DENND5B: variants seen among roughly 807,000 people sequenced by gnomAD.
DENND5B encodes the protein DENN domain containing 5B, also known as DENN domain-containing protein 5B.
In DENND5B, 34 loss-of-function variants were observed where a neutral mutation model predicts 140.6. That is an observed-to-expected ratio of 0.24 (90% CI 0.18 to 0.32). The LOEUF is 0.32. Ranked by LOEUF, DENND5B falls within the 10% of genes least tolerant of loss-of-function variation. The pLI is 1.00. For missense variants in DENND5B, 1,142 were observed against 1,560.2 expected, an observed-to-expected ratio of 0.73 and a Z score of 4.52; for synonymous variants, 551 against 562.1, an observed-to-expected ratio of 0.98 and a Z score of 0.28.
At chr12:31,480,573 C>T (rs1270651024) in intron 2 of DENND5B, among the ~76,000 whole-genome samples, 1 of 152,166 alleles carries the variant, frequency 6.6e-6, no homozygotes, top group Non-Finnish European at 1.5e-5. Flanking sequence ...TTTAGCAAGC[C>T]ATATAACTTC....
chr12:31,490,265 AG>A (rs761416914), intron 2 of DENND5B, among the ~76,000 whole-genome samples: 5 of 151,972 alleles, frequency 3.3e-5, no homozygotes, highest in Admixed American at 6.6e-5. Context: ...CGGGGGCAAA[AG>A]GGTCTTCCAG....
At chr12:31,568,231 A>G (rs1044381517) in intron 1 of DENND5B, among the ~76,000 whole-genome samples, 2 of 152,260 alleles carry the variant, frequency 1.3e-5, no homozygotes, top group Admixed American at 6.5e-5. Context: ...AATAAGGTAC[A>G]TATGAAATAT....
chr12:31,383,950 T>C lies in DENND5B; in HGVS notation c.*3653A>G, dbSNP rs1940742778. The C allele has an allele frequency of 6.6e-6, 1 of 152,164 alleles. No individual in the cohort carries two copies. The highest frequency in any genetic ancestry group is 1.5e-5 in the Non-Finnish European group (1 of 68,032). The allele number at this position is 152,164 out of a possible 1,614,324, so 9.4% of individuals were successfully genotyped here. On this transcript the variant is annotated 3_prime_UTR_variant, in exon 21 of 21. Transcript: ENST00000389082. ...AATCATTATGGTCCCAGCATTTAAT[T>C]TATTTGCAGGAAAAAAACAAATTAA...
intron 17 of DENND5B, among the ~76,000 whole-genome samples, chr12:31,397,277 G>A (rs1309164908): frequency 2.0e-5 from 3 of 151,990 alleles, no homozygotes; most frequent in East Asian, 3.9e-4. Flanking sequence ...GGGCGGGCGT[G>A]GTGGCTCATG....
intron 1 of DENND5B, among the ~76,000 whole-genome samples, chr12:31,499,295 T>C (rs780505254): frequency 6.6e-5 from 10 of 152,218 alleles, no homozygotes; most frequent in South Asian, 2.1e-4. Flanking sequence ...TACAACTACA[T>C]ATCAACTTAA....
chr12:31,560,226 C>CTG (rs1402985182), intron 1 of DENND5B, among the ~76,000 whole-genome samples: 1 of 152,180 alleles, frequency 6.6e-6, no homozygotes. Flanking sequence ...GATTCCTGAG[C>CTG]TGTGCCAACC....
intron 1 of DENND5B, among the ~76,000 whole-genome samples, chr12:31,576,714 C>T (rs759251687): frequency 6.6e-6 from 1 of 151,114 alleles, no homozygotes; most frequent in African/African-American, 2.4e-5. Context: ...AAGAACCCAT[C>T]TCTACAAAAA....
At position 31,522,031 on chromosome 12, in the gene DENND5B, T is replaced by C. The variant is rs145949941; in HGVS notation, c.128-26112A>G. On this transcript the variant is annotated intron_variant, in intron 1 of 20. Transcript: ENST00000389082. ...CTACCCTTCCTCTTCTCTCTCATGT[T>C]AGCTATAGTAAATTTGCTGTCATAT... Among the ~76,000 whole-genome samples, 685 of 152,346 alleles carry C rather than the reference T, an allele frequency of 4.5e-3. 5 individuals are homozygous for C. Among genetic ancestry groups the C allele is most frequent in the African/African-American group, 0.015 (620 of 41,588 alleles).
intron 2 of DENND5B, among the ~76,000 whole-genome samples, chr12:31,486,395 A>G (rs528329751): frequency 3.7e-4 from 56 of 152,236 alleles, no homozygotes; most frequent in Non-Finnish European, 6.2e-4. Flanking sequence ...AACTGTGAGA[A>G]ATAAATTCTT....
At chr12:31,505,317 C>T (rs1947157827) in intron 1 of DENND5B, among the ~76,000 whole-genome samples, 1 of 150,564 alleles carries the variant, frequency 6.6e-6, no homozygotes, top group African/African-American at 2.5e-5. Context: ...TGGCTCACTG[C>T]AACCTCTGCC....
chr12:31,561,692 G>A (rs533666875), intron 1 of DENND5B, among the ~76,000 whole-genome samples: 1 of 152,218 alleles, frequency 6.6e-6, no homozygotes, highest in African/African-American at 2.4e-5. Flanking sequence ...GCCATTTCCA[G>A]GAAGAACAAA....
chr12:31,508,021 T>C (rs1367282046), intron 1 of DENND5B, among the ~76,000 whole-genome samples: 1 of 152,206 alleles, frequency 6.6e-6, no homozygotes, highest in Non-Finnish European at 1.5e-5. Context: ...TATTATTCAA[T>C]ATAAAACAAA....
intron 1 of DENND5B, among the ~76,000 whole-genome samples, chr12:31,554,998 T>G (rs532998504): frequency 6.6e-6 from 1 of 152,338 alleles, no homozygotes; most frequent in East Asian, 1.9e-4. Context: ...TTGCCATTGG[T>G]TTGAACTTCC....
intron 1 of DENND5B, among the ~76,000 whole-genome samples, chr12:31,573,827 GC>G (rs1168850929): frequency 6.6e-6 from 1 of 152,102 alleles, no homozygotes; most frequent in Non-Finnish European, 1.5e-5. Context: ...CGTGGTGCAC[GC>G]CATTAGTCCC....
chr12:31,562,478 C>T (rs1353976918), intron 1 of DENND5B, among the ~76,000 whole-genome samples: 1 of 151,942 alleles, frequency 6.6e-6, no homozygotes, highest in Non-Finnish European at 1.5e-5. Flanking sequence ...GGCGTGGTGG[C>T]GGGCACCTAT....
intron 1 of DENND5B, among the ~76,000 whole-genome samples, chr12:31,528,163 A>G (rs1026339184): frequency 8.5e-5 from 13 of 152,212 alleles, no homozygotes; most frequent in African/African-American, 2.9e-4. Context: ...AGAAATCAGT[A>G]TTACTGGTCT....
At chr12:31,564,634 T>C (rs1329253617) in intron 1 of DENND5B, among the ~76,000 whole-genome samples, 1 of 151,102 alleles carries the variant, frequency 6.6e-6, no homozygotes, top group Non-Finnish European at 1.5e-5. Context: ...TGTCACCCAG[T>C]CTGGAGAGCA....
Position 31,460,317 on chromosome 12 carries a change from T to C in DENND5B, c.969A>G (p.Gln323=), listed in dbSNP as rs149602112. 4.8e-5 allele frequency: 77 copies of C among 1,613,936 alleles called. No individual in the cohort carries two copies. The East Asian group carries it at 1.4e-3, about 29-fold the overall frequency. ...CAGGTAGAATGGGCACATAAACATG[T>C]TGCCATTGAAATGGGAACAAAAGTG... ...ITTLLFPFQW[Q]HVYVPILPAS... Residue 323 remains glutamine (Q), a synonymous_variant, in exon 4 of 21, where the codon CAA becomes CAG. Transcript: ENST00000389082.
chr12:31,390,576 C>T (rs561701013), intron 19 of DENND5B, among the ~76,000 whole-genome samples: 20 of 152,078 alleles, frequency 1.3e-4, no homozygotes, highest in African/African-American at 3.4e-4. Flanking sequence ...GCAGAGGCTG[C>T]GGTGACCCAA....
Sources: gnomAD v4.1 joint callset for allele counts (sites outside exome capture counted in the v4.1 genomes callset) on GRCh38, gnomAD v4.1.1 for gene constraint, MANE v1.5 for transcripts, NCBI Gene and HGNC (gene_info 2026-07-23, HGNC 2026-07-21) for gene names.